MYH14: variants seen among roughly 807,000 people sequenced by gnomAD.
MYH14 encodes myosin-14.
Under a neutral mutation model 255.5 loss-of-function variants are expected in MYH14, and 123 were observed. The ratio of observed to expected loss-of-function variants is 0.48; its 90% confidence interval spans 0.42 to 0.56. MYH14 has a LOEUF of 0.56. Ranked by LOEUF, MYH14 falls within the 20% of genes least tolerant of loss-of-function variation. The pLI is 0.00. For missense variants in MYH14, 2,423 were observed against 2,802.3 expected, an observed-to-expected ratio of 0.86 and a Z score of 3.06; for synonymous variants, 1,095 against 1,161.2, an observed-to-expected ratio of 0.94 and a Z score of 1.16.
intron 36 of MYH14, among the ~76,000 whole-genome samples, chr19:50,291,918 CAG>C: frequency 6.6e-6 from 1 of 152,250 alleles, no homozygotes; most frequent in South Asian, 2.1e-4. Context: ...AACTGAGGCT[CAG>C]AGAGGGGCAG....
chr19:50,249,928 C>G, intron 14 of MYH14, 105 bp downstream of exon 14: 1 of 1,411,592 alleles, frequency 7.1e-7, no homozygotes, highest in South Asian at 1.3e-5. Context: ...CTCAGGATGC[C>G]CCATGGGTTC....
At chr19:50,227,030 A>G in intron 8 of MYH14, 64 bp downstream of exon 8, 1 of 1,379,630 alleles carries the variant, frequency 7.2e-7, no homozygotes, top group Non-Finnish European at 9.9e-7. Flanking sequence ...AGCACTGAGT[A>G]TGGAAAGCAC....
At chr19:50,234,049 A>T (rs1403883227) in intron 10 of MYH14, among the ~76,000 whole-genome samples, 1 of 151,748 alleles carries the variant, frequency 6.6e-6, no homozygotes, top group Non-Finnish European at 1.5e-5. Flanking sequence ...CGAACTGCTG[A>T]CTTCAAGTGA....
Position 50,280,531 on chromosome 19 carries a change from C to G in MYH14, c.4290+148C>G, listed in dbSNP as rs994688367. ...TCTCATCTCTGACTCCCCCTTACCCCCCACAGCCCATGCCCAGCCCTGGCT... is the reference window on the plus strand; with the variant it reads ...TCTCATCTCTGACTCCCCCTTACCCGCCACAGCCCATGCCCAGCCCTGGCT... On this transcript the variant is annotated intron_variant, in intron 32 of 42. Coordinates refer to ENST00000642316, the MANE Select transcript of MYH14 (RefSeq NM_001145809.2). The surrounding 1 kb of genome is among the most constrained non-coding windows in gnomAD (Gnocchi z 4.8). 9.5e-6 allele frequency: 8 copies of G among 844,412 alleles called. No homozygotes were observed. Among genetic ancestry groups the G allele is most frequent in the African/African-American group, 8.5e-5 (5 of 58,542 alleles). 52.3% of individuals were successfully genotyped at this position (844,412 alleles called of 1,614,324 possible). A position where few individuals can be genotyped will look rare whatever the true frequency, so the allele number is the denominator to read the frequency against.
At chr19:50,279,086 G>A (rs2035618706) in intron 30 of MYH14, among the ~76,000 whole-genome samples, 1 of 151,964 alleles carries the variant, frequency 6.6e-6, no homozygotes, top group African/African-American at 2.4e-5. Flanking sequence ...ATCTAATTTT[G>A]GACCATTTTC....
chr19:50,244,216 C>G, intron 10 of MYH14, 26 bp from the exon 11 acceptor site: 4 of 1,606,762 alleles, frequency 2.5e-6, no homozygotes, highest in Non-Finnish European at 3.4e-6. Context: ...CAGAGCCACA[C>G]GTGACCTCTG....
chr19:50,270,879 A>G (rs1443739671), intron 24 of MYH14, among the ~76,000 whole-genome samples: 2 of 151,986 alleles, frequency 1.3e-5, no homozygotes, highest in Admixed American at 6.6e-5. Context: ...TATTTTTAGT[A>G]GAGATGGGGT....
At chr19:50,286,373 G>A in intron 33 of MYH14, 109 bp from the exon 34 acceptor site, 3 of 1,111,838 alleles carry the variant, frequency 2.7e-6, no homozygotes, top group Non-Finnish European at 3.8e-6. Flanking sequence ...GCCTTTGTCT[G>A]TCTCTTTCTC....
chr19:50,275,208 G>GT (rs2035459616), intron 27 of MYH14, among the ~76,000 whole-genome samples: 1 of 152,164 alleles, frequency 6.6e-6, no homozygotes, highest in Non-Finnish European at 1.5e-5. Context: ...AGCCAGGCCT[G>GT]TGTGGCTCCT....
At chr19:50,222,727 C>T (rs753417553) in intron 3 of MYH14, among the ~76,000 whole-genome samples, 6 of 152,078 alleles carry the variant, frequency 3.9e-5, no homozygotes, top group Non-Finnish European at 7.4e-5. Flanking sequence ...TCTTATATTA[C>T]AGGACCTCGC....
intron 40 of MYH14, among the ~76,000 whole-genome samples, chr19:50,305,761 C>T (rs1248827122): frequency 6.6e-6 from 1 of 151,592 alleles, no homozygotes; most frequent in Non-Finnish European, 1.5e-5. Context: ...GACCCCATCT[C>T]TACAAAAATA....
chr19:50,282,713 T>A (rs997920594), intron 33 of MYH14, among the ~76,000 whole-genome samples: 6 of 152,022 alleles, frequency 3.9e-5, no homozygotes, highest in South Asian at 2.1e-4. Context: ...AAAAAAAAAA[T>A]AAAAAATTAA....
In MYH14 at chr19:50,248,987, G is replaced by T. The variant is rs371046797; in HGVS notation, c.1330G>T (p.Ala444Ser). ...YVQKAQTKEQ[A>S]DFALEALAKA... is the part of the protein sequence containing the mutation. ...CCTTACCATGAGCCCTGTCCCACAG[G>T]CTGACTTCGCGCTGGAGGCCCTGGC... Residue 444 changes from alanine (A) to serine (S), a missense_variant and splice_region_variant, in exon 13 of 43, where the codon GCT becomes TCT. Around this residue, in one of 3 missense-constraint regions of MYH14, gnomAD observed 672 missense variants for 881.8 expected, o/e 0.76. Transcript: ENST00000642316. 6.2e-7 allele frequency: 1 copy of T among 1,613,320 alleles called. No homozygotes were observed. The highest frequency in any genetic ancestry group is 8.5e-7 in the Non-Finnish European group (1 of 1,179,780).
chr19:50,266,900 G>A lies in MYH14; in HGVS notation c.2718G>A (p.Thr906=), dbSNP rs1188318580. 6 of 1,551,986 alleles carry A rather than the reference G, an allele frequency of 3.9e-6. No individual in the cohort carries two copies. Among genetic ancestry groups the A allele is most frequent in the Non-Finnish European group, 5.2e-6 (6 of 1,147,142 alleles). Residue 906 remains threonine, a synonymous_variant, in exon 23 of 43, where the codon ACG becomes ACA. Coordinates refer to ENST00000642316, the MANE Select transcript of MYH14 (RefSeq NM_001145809.2). This position sits in a 1 kb window ranked among gnomAD's most constrained non-coding sequence, Gnocchi z 4.1. The part of the protein sequence containing the change: ...FTKVKPLLQV[T]RQDEVLQARA... ...AGGTGAAGCCACTGCTGCAGGTGACGCGGCAGGATGAGGTGCTGCAGGCAC... is the reference window on the plus strand; with the variant it reads ...AGGTGAAGCCACTGCTGCAGGTGACACGGCAGGATGAGGTGCTGCAGGCAC...
At chr19:50,264,209 T>C (rs981778246) in intron 22 of MYH14, among the ~76,000 whole-genome samples, 6 of 152,070 alleles carry the variant, frequency 3.9e-5, no homozygotes, top group Non-Finnish European at 5.9e-5. Flanking sequence ...TATGATAATA[T>C]GCACGGAGTA....
Position 50,217,622 on chromosome 19 carries a change from C to A in MYH14, c.413C>A (p.Ser138Tyr). The change falls in exon 3 of 43, where the codon TCC becomes TAC. Residue 138 changes from serine (S) to tyrosine (Y), a missense_variant. Ser to Tyr is a moderately radical substitution (Grantham distance 144). Transcript: ENST00000642316. ...RYYSGLIYTYSGLFCVVINPY... is the reference protein window; with the variant it reads ...RYYSGLIYTYYGLFCVVINPY... ...CCCTCTCACCCACTGCAGACGTACT[C>A]CGGCCTTTTCTGTGTGGTCATCAAC... 1 of 1,614,046 alleles carries A rather than the reference C, an allele frequency of 6.2e-7. No homozygotes were observed. Among genetic ancestry groups the A allele is most frequent in the Non-Finnish European group, 8.5e-7 (1 of 1,179,892 alleles).
intron 18 of MYH14, 143 bp downstream of exon 18, chr19:50,257,629 T>A: frequency 1.2e-6 from 1 of 835,076 alleles, no homozygotes; most frequent in Non-Finnish European, 1.9e-6. Flanking sequence ...ATTCCTAGGC[T>A]CAGGGTCCGG....
chr19:50,227,652 G>A (rs1337939084), intron 8 of MYH14, among the ~76,000 whole-genome samples: 1 of 152,186 alleles, frequency 6.6e-6, no homozygotes, highest in Non-Finnish European at 1.5e-5. Context: ...GGCCTTTCCA[G>A]GGGAGCATCT....
intron 6 of MYH14, among the ~76,000 whole-genome samples, chr19:50,225,057 G>A (rs193210441): frequency 6.9e-4 from 105 of 152,260 alleles, no homozygotes; most frequent in Non-Finnish European, 1.1e-3. Flanking sequence ...TATGAGTTAT[G>A]ACCATGCCAC....
Sources: gnomAD v4.1 joint callset for allele counts (sites outside exome capture counted in the v4.1 genomes callset) on GRCh38, gnomAD v4.1.1 for gene constraint, gnomAD v4.1.1 regional missense constraint, Gnocchi (gnomAD v3.1) non-coding constraint, MANE v1.5 for transcripts, NCBI Gene and HGNC (gene_info 2026-07-23, HGNC 2026-07-21) for gene names.